The following SLC27A6 variants were observed in gnomAD, a reference collection of about 807,000 sequenced individuals.
SLC27A6 encodes the protein long-chain fatty acid transport protein 6.
In SLC27A6, 74 loss-of-function variants were observed where a neutral mutation model predicts 63.9. The ratio of observed to expected loss-of-function variants is 1.16; its 90% CI spans 0.96 to 1.40. The LOEUF (loss-of-function observed/expected upper bound fraction) is 1.40, where lower values mean the gene tolerates loss of function less well. Ranked by LOEUF, SLC27A6 falls within the 40% of genes most tolerant of loss-of-function variation. SLC27A6 has a pLI of 0.00. For synonymous variants in SLC27A6, 287 were observed against 260.8 expected (o/e 1.10, Z -0.97); for missense variants, 794 against 732.9 (o/e 1.08, Z -0.96).
At chr5:129,004,014 A>G (rs1025111204) in intron 4 of SLC27A6, among the ~76,000 whole-genome samples, 2 of 151,166 alleles carry the variant, frequency 1.3e-5, no homozygotes, top group African/African-American at 4.9e-5. Flanking sequence ...AGTTAAGCAG[A>G]TGTGTGTGAG....
Position 128,966,060 on chromosome 5 carries a change from C to G in SLC27A6, c.-78C>G, listed in dbSNP as rs1489481817. On this transcript the variant is annotated 5_prime_UTR_variant, in exon 1 of 10. Coordinates refer to ENST00000262462, the MANE Select transcript of SLC27A6 (RefSeq NM_001017372.3). ...CCTGAGTAGTGAGGATCTGCGGTCTCCGTGGAGAGCTGTGCCTGGAAGAGA... is the reference window on the plus strand; with the variant it reads ...CCTGAGTAGTGAGGATCTGCGGTCTGCGTGGAGAGCTGTGCCTGGAAGAGA... The G allele has an allele frequency of 1.3e-6, 2 of 1,494,626 alleles. No individual in the cohort carries two copies. 92.6% of individuals were successfully genotyped at this position (1,494,626 alleles called of 1,614,324 possible). A position where few individuals can be genotyped will look rare whatever the true frequency, so the allele number is the denominator to read the frequency against.
rs189181772 is a variant in SLC27A6, at chr5:129,018,415, A to G, written c.1164+2336A>G. On this transcript the variant is annotated intron_variant, in intron 5 of 9. Coordinates refer to ENST00000262462, the MANE Select transcript of SLC27A6 (RefSeq NM_001017372.3). The stretch of plus-strand genomic sequence containing the variant: ...GCTCACTTTTTCAGTCTAGTTGCCC[A>G]TTCAAAGCTGGTGTAAATCACAGTA... Among the ~76,000 whole-genome samples the G allele has an allele frequency of 4.4e-4, 67 of 152,230 alleles. 1 individual carries two copies. The highest frequency in any genetic ancestry group is 1.4e-3 in the African/African-American group (60 of 41,560).
intron 4 of SLC27A6, among the ~76,000 whole-genome samples, chr5:129,000,966 G>A (rs1388502280): frequency 2.0e-5 from 3 of 152,174 alleles, no homozygotes; most frequent in African/African-American, 7.2e-5. Context: ...GTACTATTAT[G>A]TCTGGAAAAT....
At chr5:128,999,950 A>G (rs894270734) in intron 4 of SLC27A6, among the ~76,000 whole-genome samples, 5 of 152,232 alleles carry the variant, frequency 3.3e-5, no homozygotes, top group African/African-American at 1.2e-4. Flanking sequence ...AGCATGTCCA[A>G]AAATGGCTGG....
intron 3 of SLC27A6, among the ~76,000 whole-genome samples, 157 bp from the exon 4 acceptor site, chr5:128,990,183 G>A (rs1471416736): frequency 6.6e-6 from 1 of 152,184 alleles, no homozygotes; most frequent in South Asian, 2.1e-4. Context: ...GTAAAAATTA[G>A]TGTTTCCAAA....
intron 1 of SLC27A6, among the ~76,000 whole-genome samples, chr5:128,980,705 T>C (rs1750556090): frequency 6.6e-6 from 1 of 152,230 alleles, no homozygotes; most frequent in Non-Finnish European, 1.5e-5. Flanking sequence ...TGCTTTGCAG[T>C]ATGGGAAGCT....
intron 6 of SLC27A6, 53 bp downstream of exon 6, chr5:129,023,763 A>G (rs986721105): frequency 1.2e-5 from 15 of 1,264,058 alleles, no homozygotes; most frequent in East Asian, 2.3e-5. Flanking sequence ...GATCTCCTGT[A>G]TACAGACATC....
chr5:129,010,055 G>A (rs908851280), intron 4 of SLC27A6, among the ~76,000 whole-genome samples: 14 of 152,152 alleles, frequency 9.2e-5, no homozygotes, highest in African/African-American at 3.4e-4. Context: ...CCCTGCTAAC[G>A]TGCTGAATCA....
chr5:128,969,864 A>G (rs1209389902), intron 1 of SLC27A6, among the ~76,000 whole-genome samples: 2 of 152,214 alleles, frequency 1.3e-5, no homozygotes, highest in Non-Finnish European at 2.9e-5. Context: ...GAATGCTTCC[A>G]GTCTTTGCCC....
At chr5:128,975,305 C>T (rs567242428) in intron 1 of SLC27A6, among the ~76,000 whole-genome samples, 10 of 152,298 alleles carry the variant, frequency 6.6e-5, no homozygotes, top group Admixed American at 5.9e-4. Flanking sequence ...GAGCTGAGAT[C>T]GTGCAACTAC....
At chr5:129,017,299 ACCT>A (rs1026316623) in intron 5 of SLC27A6, among the ~76,000 whole-genome samples, 2 of 152,120 alleles carry the variant, frequency 1.3e-5, no homozygotes, top group East Asian at 1.9e-4. Flanking sequence ...CAACTAGATA[ACCT>A]CCTATATATT....
chr5:128,988,129 G>A (rs1237027290), intron 2 of SLC27A6, among the ~76,000 whole-genome samples: 1 of 152,156 alleles, frequency 6.6e-6, no homozygotes, highest in Non-Finnish European at 1.5e-5. Context: ...GAAGATTATA[G>A]AGCAATGCCT....
At chr5:128,984,940 A>C (rs1023100445) in intron 1 of SLC27A6, among the ~76,000 whole-genome samples, 193 bp from the exon 2 acceptor site, 5 of 152,216 alleles carry the variant, frequency 3.3e-5, no homozygotes, top group African/African-American at 1.2e-4. Context: ...GTCAGGTGAT[A>C]ACTAAATTTC....
At chr5:128,967,209 CT>C (rs35869196) in intron 1 of SLC27A6, among the ~76,000 whole-genome samples, 10 of 151,752 alleles carry the variant, frequency 6.6e-5, no homozygotes, top group Admixed American at 3.9e-4. Flanking sequence ...GCATCCTTTT[CT>C]TTTTTTGACT....
chr5:128,991,283 C>T (rs569707616), intron 4 of SLC27A6, among the ~76,000 whole-genome samples: 29 of 152,254 alleles, frequency 1.9e-4, no homozygotes, highest in African/African-American at 7.0e-4. Flanking sequence ...AGTCACCTTC[C>T]CCAGCTAGGC....
chr5:129,001,592 A>G (rs1287907023), intron 4 of SLC27A6, among the ~76,000 whole-genome samples: 1 of 152,200 alleles, frequency 6.6e-6, no homozygotes, highest in African/African-American at 2.4e-5. Context: ...GCTTTTATGC[A>G]TTAAATGGTT....
chr5:129,009,048 G>A (rs1318396432), intron 4 of SLC27A6, among the ~76,000 whole-genome samples: 1 of 151,858 alleles, frequency 6.6e-6, no homozygotes, highest in African/African-American at 2.4e-5. Context: ...TGTATTTTTA[G>A]TGGAGGCAGG....
chr5:129,023,819 C>G, intron 6 of SLC27A6, 109 bp downstream of exon 6: 2 of 715,152 alleles, frequency 2.8e-6, no homozygotes. Context: ...GGGTAGACAC[C>G]AAAATTCATG....
At chr5:129,014,598 C>T (rs543291166) in intron 4 of SLC27A6, among the ~76,000 whole-genome samples, 12 of 152,280 alleles carry the variant, frequency 7.9e-5, no homozygotes, top group Non-Finnish European at 1.5e-4. Flanking sequence ...ACAGTAAGTT[C>T]CTCAACCCAA....
Sources: allele counts gnomAD v4.1 joint callset (sites outside exome capture counted in the v4.1 genomes callset), GRCh38; gene constraint gnomAD v4.1.1; transcripts MANE v1.5; gene names NCBI Gene and HGNC (gene_info 2026-07-23, HGNC 2026-07-21).